The following RIOK3 variants were observed in gnomAD, a reference collection of about 807,000 sequenced individuals.
RIOK3 encodes serine/threonine-protein kinase RIO3.
RIOK3 carries 40 observed loss-of-function variants against 63.5 expected under a neutral mutation model. The observed-to-expected ratio is 0.63, with a 90% CI of 0.49 to 0.82. The LOEUF (loss-of-function observed/expected upper bound fraction) is 0.82. Among genes scored for constraint, RIOK3 ranks in the 40% least tolerant of loss-of-function variants. The pLI is 0.00. For missense variants in RIOK3, 557 were observed against 637.0 expected (o/e 0.87, Z 1.35); for synonymous variants, 193 against 205.0 (o/e 0.94, Z 0.50).
intron 1 of RIOK3, 95 bp from the exon 2 acceptor site, chr18:23,462,868 CA>C: frequency 3.6e-6 from 2 of 547,972 alleles, no homozygotes; most frequent in South Asian, 7.8e-5. Context: ...TTTTTAACTA[CA>C]TAGTTTAATT....
In RIOK3 at chr18:23,480,576, C is replaced by CACACACACAT. The variant is rs2145708099; in HGVS notation, c.1453-587_1453-586insTACACACACA. The stretch of plus-strand genomic sequence containing the variant: ...GCACGCACACACACACACACACACA[C>CACACACACAT]ACACACACACACACATAGTAATTTC... On this transcript the variant is annotated intron_variant, in intron 12 of 12. Transcript: ENST00000339486. 1.3e-5 allele frequency among the ~76,000 whole-genome samples: 2 copies of CACACACACAT among 151,848 alleles called. 1 individual carries two copies. Among genetic ancestry groups the CACACACACAT allele is most frequent in the East Asian group, 3.9e-4 (2 of 5,152 alleles).
At chr18:23,465,609 A>T (rs1191908615) in intron 5 of RIOK3, among the ~76,000 whole-genome samples, 2 of 152,172 alleles carry the variant, frequency 1.3e-5, no homozygotes, top group African/African-American at 4.8e-5. Flanking sequence ...TTTGCTGTTG[A>T]GCACTTGAAA....
intron 1 of RIOK3, among the ~76,000 whole-genome samples, chr18:23,458,532 A>G (rs1425742713): frequency 1.3e-5 from 2 of 152,224 alleles, no homozygotes; most frequent in Non-Finnish European, 2.9e-5. Flanking sequence ...AAAGGATTGT[A>G]TGGGGTGTCC....
At chr18:23,465,043 C>G (rs984683490) in intron 5 of RIOK3, among the ~76,000 whole-genome samples, 2 of 152,092 alleles carry the variant, frequency 1.3e-5, no homozygotes, top group African/African-American at 4.8e-5. Flanking sequence ...CCTGAACTAC[C>G]TGTGTAAAAT....
intron 1 of RIOK3, among the ~76,000 whole-genome samples, chr18:23,460,176 T>C (rs556081664): frequency 2.6e-5 from 4 of 152,344 alleles, no homozygotes; most frequent in Admixed American, 1.3e-4. Context: ...GGCACAATCA[T>C]AGGGCTCAAA....
At chr18:23,462,083 G>A (rs2057375276) in intron 1 of RIOK3, among the ~76,000 whole-genome samples, 1 of 129,518 alleles carries the variant, frequency 7.7e-6, no homozygotes, top group African/African-American at 2.9e-5. Flanking sequence ...AGAGGAAACT[G>A]TCTCCAAAAA....
Position 23,479,393 on chromosome 18 carries a change from C to G in RIOK3, c.1421C>G (p.Thr474Arg), listed in dbSNP as rs1215415724. 1 of 1,613,606 alleles carries G rather than the reference C, an allele frequency of 6.2e-7. No individual in the cohort carries two copies. The stretch of plus-strand genomic sequence containing the variant: ...AATGCTGTTTCAGGCTTAAACATCA[C>G]AGCAGATAATGAAGCTGATTTTTTA... ...LFNAVSGLNI[T>R]ADNEADFLAE... is the part of the protein sequence containing the mutation. Residue 474 changes from threonine (T) to arginine (R), a missense_variant, in exon 12 of 13, where the codon ACA becomes AGA. Physicochemically the swap from Thr to Arg is moderately conservative, Grantham distance 71 (BLOSUM62 -1). Around this residue, in one of 3 missense-constraint regions of RIOK3, gnomAD observed 309 missense variants for 338.7 expected, o/e 0.91. Transcript: ENST00000339486.
chr18:23,475,207 C>T, intron 9 of RIOK3, 100 bp downstream of exon 9: 1 of 894,230 alleles, frequency 1.1e-6, no homozygotes, highest in Non-Finnish European at 1.7e-6. Flanking sequence ...TGTTGGCTCA[C>T]ACTTGTAATC....
Position 23,473,505 on chromosome 18 carries a change from G to T in RIOK3, c.892G>T (p.Glu298Ter). 2 of 1,612,066 alleles carry T rather than the reference G, an allele frequency of 1.2e-6. No individual in the cohort carries two copies. The highest frequency in any genetic ancestry group is 2.2e-5 in the South Asian group (2 of 90,978). ...CAAGGTATTTAAAACAACCCTTAAT[G>T]AATTTAAGAATCGTGACAAATATAT... ...AIKVFKTTLN[E>*]FKNRDKYIKD... Residue 298 changes from glutamate (E) to a stop codon, truncating the protein, a stop_gained, in exon 8 of 13, where the codon GAA becomes TAA. Transcript: ENST00000339486. LOFTEE classifies it high-confidence loss of function.
At position 23,464,648 on chromosome 18, in the gene RIOK3, T is replaced by A. The variant is rs763052232; in HGVS notation, c.543+20T>A. 2.1e-5 allele frequency: 29 copies of A among 1,398,998 alleles called. 1 individual carries two copies. The South Asian group carries it at 3.6e-4, about 18-fold the overall frequency. The allele number at this position is 1,398,998 out of a possible 1,614,324, so 86.7% of individuals were successfully genotyped here. On this transcript the variant is annotated intron_variant, in intron 5 of 12. Transcript: ENST00000339486. The stretch of plus-strand genomic sequence containing the variant: ...GAAAATGTAAGTTACAGAAAGTATC[T>A]ATCTCTGAATTTAGAGTTTTGTTTG...
At chr18:23,471,116 T>A (rs138517741) in intron 7 of RIOK3, among the ~76,000 whole-genome samples, 6 of 152,318 alleles carry the variant, frequency 3.9e-5, no homozygotes, top group African/African-American at 1.4e-4. Context: ...GCTTCCCCCA[T>A]CCTCAACCCC....
At chr18:23,480,537 G>A (rs1208845101) in intron 12 of RIOK3, among the ~76,000 whole-genome samples, 2 of 141,510 alleles carry the variant, frequency 1.4e-5, no homozygotes, top group Non-Finnish European at 1.5e-5. Flanking sequence ...ATGACTATTT[G>A]TGTATACTTG....
At chr18:23,479,465 A>G in intron 12 of RIOK3, 41 bp downstream of exon 12, 1 of 1,182,688 alleles carries the variant, frequency 8.5e-7, no homozygotes, top group Non-Finnish European at 1.3e-6. Context: ...CTGGTCATGC[A>G]GAACTGCATA....
chr18:23,478,072 CAAA>C (rs537701761), intron 11 of RIOK3, among the ~76,000 whole-genome samples: 7 of 84,858 alleles, frequency 8.2e-5, no homozygotes, highest in Admixed American at 1.2e-4. Context: ...ACTCCTTCTC[CAAA>C]AAAAAAAAAA....
Position 23,464,008 on chromosome 18 carries a change from CTTCCAGTGACCTT to C in RIOK3, c.222_234del (p.Ser75CysfsTer91). ...TTTATTACTGGAGAAAACATTGATA[CTTCCAGTGACCTT>C]ATGCTGGCTCAGATGCTACAGATGG... is the stretch of plus-strand genomic sequence containing the variant. On this transcript the variant is annotated frameshift_variant, in exon 3 of 13. Transcript: ENST00000339486. LOFTEE classifies it high-confidence loss of function. 6.2e-7 allele frequency: 1 copy of C among 1,612,460 alleles called. No individual in the cohort carries two copies. The highest frequency in any genetic ancestry group is 8.5e-7 in the Non-Finnish European group (1 of 1,179,190).
In RIOK3 at chr18:23,466,185, C is replaced by T. The variant is rs1005213257; in HGVS notation, c.596C>T (p.Ser199Leu). ...GGAATTGGAATGGATTTAAAACTAT[C>T]AAACCATGTTTTCAATGCTTTAAAA... ...GDGIGMDLKL[S>L]NHVFNALKQH... is the part of the protein sequence containing the mutation. The change falls in exon 6 of 13, where the codon TCA becomes TTA. Residue 199 changes from serine to leucine, a missense_variant. Ser to Leu is a moderately radical substitution (Grantham distance 145). Transcript: ENST00000339486. The T allele has an allele frequency of 6.2e-7, 1 of 1,610,546 alleles. No homozygotes were observed. Among genetic ancestry groups the T allele is most frequent in the African/African-American group, 1.3e-5 (1 of 74,940 alleles).
intron 12 of RIOK3, among the ~76,000 whole-genome samples, chr18:23,480,805 G>C (rs533264557): frequency 6.6e-6 from 1 of 152,148 alleles, no homozygotes; most frequent in East Asian, 1.9e-4. Flanking sequence ...TAAAAAAACT[G>C]GCTGGACACG....
At chr18:23,476,698 G>A (rs1406826339) in intron 9 of RIOK3, among the ~76,000 whole-genome samples, 2 of 152,092 alleles carry the variant, frequency 1.3e-5, no homozygotes, top group African/African-American at 2.4e-5. Flanking sequence ...CACGAGGTCA[G>A]GAGATTGAGA....
intron 1 of RIOK3, among the ~76,000 whole-genome samples, chr18:23,457,133 C>T (rs2057346136): frequency 6.6e-6 from 1 of 152,104 alleles, no homozygotes; most frequent in Non-Finnish European, 1.5e-5. Flanking sequence ...ATTTTGACTT[C>T]ATAGACCCTC....
Sources: gnomAD v4.1 joint callset for allele counts (sites outside exome capture counted in the v4.1 genomes callset) on GRCh38, gnomAD v4.1.1 for gene constraint, gnomAD v4.1.1 regional missense constraint, MANE v1.5 for transcripts, NCBI Gene and HGNC (gene_info 2026-07-23, HGNC 2026-07-21) for gene names.